The following ZNF25 variants were observed in gnomAD, a reference collection of about 807,000 sequenced individuals.
The protein encoded by ZNF25 is zinc finger protein 25 (KOX 19).
Under a neutral mutation model 30.9 loss-of-function variants are expected in ZNF25, and 21 were observed. The ratio of observed to expected loss-of-function variants is 0.68; its 90% CI spans 0.48 to 0.98. ZNF25 has a LOEUF of 0.98. Among genes scored for constraint, ZNF25 ranks in the 50% least tolerant of loss-of-function variants. ZNF25 has a pLI of 0.00. For missense variants in ZNF25, 501 were observed against 529.9 expected, an observed-to-expected ratio of 0.95 and a Z score of 0.54; for synonymous variants, 169 against 181.3, an observed-to-expected ratio of 0.93 and a Z score of 0.55.
chr10:37,959,318 T>C (rs562721103), intron 2 of ZNF25, among the ~76,000 whole-genome samples: 9 of 152,268 alleles, frequency 5.9e-5, no homozygotes, highest in African/African-American at 2.2e-4. Flanking sequence ...AACATTTATA[T>C]GAAAGCAACA....
rs1368174763 is a variant in ZNF25, at chr10:37,951,054, G to A, written c.*1073C>T. 6.6e-6 allele frequency: 1 copy of A among 152,036 alleles called. No individual in the cohort carries two copies. Among genetic ancestry groups the A allele is most frequent in the Non-Finnish European group, 1.5e-5 (1 of 68,028 alleles). 9.4% of individuals were successfully genotyped at this position (152,036 alleles called of 1,614,324 possible). ...TGCTATATATAAATGTGTCCCTAAT[G>A]CAAAACTTGACTGACATTTGAAAAT... is the stretch of plus-strand genomic sequence containing the variant. On this transcript the variant is annotated 3_prime_UTR_variant, in exon 6 of 6. Transcript: ENST00000302609.
intron 4 of ZNF25, among the ~76,000 whole-genome samples, chr10:37,956,213 C>A (rs2062510479): frequency 6.6e-6 from 1 of 152,024 alleles, no homozygotes; most frequent in Non-Finnish European, 1.5e-5. Context: ...AGTAGCAACT[C>A]CAAAATGAAA....
At chr10:37,954,478 G>A (rs917131985) in intron 4 of ZNF25, among the ~76,000 whole-genome samples, 1 of 152,098 alleles carries the variant, frequency 6.6e-6, no homozygotes, top group East Asian at 1.9e-4. Context: ...AAAGCATTGG[G>A]ATAAGCCATC....
At chr10:37,975,951 C>T (rs760286381) in intron 1 of ZNF25, among the ~76,000 whole-genome samples, 5 of 152,186 alleles carry the variant, frequency 3.3e-5, no homozygotes, top group Non-Finnish European at 5.9e-5. Context: ...GGATTTCTCT[C>T]TCTGAATCTT....
Position 37,953,176 on chromosome 10 carries a change from G to A in ZNF25, c.322C>T (p.His108Tyr), listed in dbSNP as rs565864577. Reference protein sequence around the residue: ...GNSRNGELTKHQKTHTTEKAC... With the variant: ...GNSRNGELTKYQKTHTTEKAC... ...TTCTCTGTGGTATGAGTTTTCTGATGTTTTGTGAGTTCTCCATTCCTAGAC... is the reference window on the plus strand; with the variant it reads ...TTCTCTGTGGTATGAGTTTTCTGATATTTTGTGAGTTCTCCATTCCTAGAC... Residue 108 changes from histidine (H) to tyrosine (Y), a missense_variant, in exon 6 of 6, where the codon CAT (histidine) becomes TAT (tyrosine). Coordinates refer to ENST00000302609, the MANE Select transcript of ZNF25 (RefSeq NM_145011.4). 55 of 1,585,354 alleles carry A rather than the reference G, an allele frequency of 3.5e-5. No individual in the cohort carries two copies. The Middle Eastern group carries it at 5.1e-4, about 15-fold the overall frequency.
chr10:37,953,276 C>A, intron 5 of ZNF25, 81 bp from the exon 6 acceptor site: 1 of 1,362,300 alleles, frequency 7.3e-7, no homozygotes, highest in South Asian at 1.4e-5. Flanking sequence ...GCGTATTTTC[C>A]AAGTACCTCT....
chr10:37,959,455 G>A (rs933913398), intron 2 of ZNF25, among the ~76,000 whole-genome samples: 1 of 152,118 alleles, frequency 6.6e-6, no homozygotes, highest in Non-Finnish European at 1.5e-5. Flanking sequence ...CAGTTATAGT[G>A]CCAATTATTT....
intron 1 of ZNF25, among the ~76,000 whole-genome samples, chr10:37,974,234 G>A (rs762999023): frequency 6.6e-6 from 1 of 152,088 alleles, no homozygotes; most frequent in Non-Finnish European, 1.5e-5. Context: ...TTTTTGGTAA[G>A]ACCTCAAAAG....
intron 2 of ZNF25, among the ~76,000 whole-genome samples, chr10:37,962,574 G>A (rs2062949442): frequency 6.6e-6 from 1 of 152,072 alleles, no homozygotes; most frequent in Non-Finnish European, 1.5e-5. Context: ...TCAAATACTT[G>A]AAAATAATAG....
At chr10:37,955,675 T>A (rs1264013339) in intron 4 of ZNF25, among the ~76,000 whole-genome samples, 2 of 152,152 alleles carry the variant, frequency 1.3e-5, no homozygotes, top group African/African-American at 4.8e-5. Flanking sequence ...TTATTTTATA[T>A]ATTTATTATT....
At chr10:37,972,696 C>A (rs562492567) in intron 1 of ZNF25, among the ~76,000 whole-genome samples, 1 of 152,112 alleles carries the variant, frequency 6.6e-6, no homozygotes, top group African/African-American at 2.4e-5. Context: ...TCCTAAGGTC[C>A]TTTTCATAAG....
At chr10:37,973,155 C>A (rs2063590116) in intron 1 of ZNF25, among the ~76,000 whole-genome samples, 2 of 144,566 alleles carry the variant, frequency 1.4e-5, no homozygotes. Flanking sequence ...GCAACAAGAG[C>A]AAAACTCTAT....
At position 37,949,835 on chromosome 10, in the gene ZNF25, C is replaced by T. The variant is rs896975967; in HGVS notation, c.*2292G>A. ...TGATTTGGGAGAAAACAAAGGAATA[C>T]TGTGGGGCAGTATCAATGAACAATT... On this transcript the variant is annotated 3_prime_UTR_variant, in exon 6 of 6. Transcript: ENST00000302609. 1 of 152,534 alleles carries T rather than the reference C, an allele frequency of 6.6e-6. No individual in the cohort carries two copies. Among genetic ancestry groups the T allele is most frequent in the African/African-American group, 2.4e-5 (1 of 41,422 alleles). 9.4% of individuals were successfully genotyped at this position (152,534 alleles called of 1,614,324 possible). A position where few individuals can be genotyped will look rare whatever the true frequency, so the allele number is the denominator to read the frequency against.
intron 1 of ZNF25, among the ~76,000 whole-genome samples, chr10:37,974,122 C>G (rs2063661322): frequency 6.6e-6 from 1 of 152,108 alleles, no homozygotes; most frequent in Non-Finnish European, 1.5e-5. Context: ...ATGCAAAAAT[C>G]AAATGATAGT....
At chr10:37,964,247 A>G (rs2063057482) in intron 2 of ZNF25, among the ~76,000 whole-genome samples, 1 of 152,208 alleles carries the variant, frequency 6.6e-6, no homozygotes, top group African/African-American at 2.4e-5. Context: ...AACACAAAAT[A>G]GGTACTGAGG....
chr10:37,953,235 T>C (rs749093535), intron 5 of ZNF25, 40 bp from the exon 6 acceptor site: 1 of 1,525,160 alleles, frequency 6.6e-7, no homozygotes, highest in Admixed American at 2.2e-5. Context: ...TGTAAGACTT[T>C]TAAGGCTTTT....
chr10:37,951,957 T>C lies in ZNF25; in HGVS notation c.*170A>G. The C allele has an allele frequency of 1.9e-6, 1 of 512,928 alleles. No homozygotes were observed. Among genetic ancestry groups the C allele is most frequent in the Admixed American group, 3.8e-5 (1 of 26,444 alleles). 31.8% of individuals were successfully genotyped at this position (512,928 alleles called of 1,614,324 possible). ...AAGCCTAAAATATGATAAAATTTTC[T>C]CCCAAATAAATGTACAGAATCTCTC... On this transcript the variant is annotated 3_prime_UTR_variant, in exon 6 of 6. Transcript: ENST00000302609.
chr10:37,962,600 A>C (rs2135379940), intron 2 of ZNF25, among the ~76,000 whole-genome samples: 1 of 152,342 alleles, frequency 6.6e-6, no homozygotes, highest in East Asian at 1.9e-4. Flanking sequence ...CACTTTGTTT[A>C]ATGTTATTAG....
chr10:37,974,015 A>G (rs2063653051), intron 1 of ZNF25, among the ~76,000 whole-genome samples: 1 of 152,242 alleles, frequency 6.6e-6, no homozygotes, highest in African/African-American at 2.4e-5. Flanking sequence ...CACTAAGAAC[A>G]TACATTGGAG....
Sources: allele counts gnomAD v4.1 joint callset (sites outside exome capture counted in the v4.1 genomes callset), GRCh38; gene constraint gnomAD v4.1.1; transcripts MANE v1.5; gene names NCBI Gene and HGNC (gene_info 2026-07-23, HGNC 2026-07-21).